The following ANKS1A variants were observed in gnomAD, a reference collection of about 807,000 sequenced individuals.
The protein encoded by ANKS1A is ankyrin repeat and SAM domain-containing protein 1A.
Under a neutral mutation model 120.3 loss-of-function variants are expected in ANKS1A, and 55 were observed. The ratio of observed to expected loss-of-function variants is 0.46; its 90% CI spans 0.37 to 0.57. The LOEUF (loss-of-function observed/expected upper bound fraction) is 0.57. Ranked by LOEUF, ANKS1A falls within the 20% of genes least tolerant of loss-of-function variation. The probability of loss-of-function intolerance (pLI) is 0.00; values close to 1 mark genes in which losing one functional copy is unlikely to be tolerated. For missense variants in ANKS1A, 1,123 were observed against 1,480.3 expected (o/e 0.76, Z 3.96); for synonymous variants, 590 against 604.7 (o/e 0.98, Z 0.36).
intron 1 of ANKS1A, among the ~76,000 whole-genome samples, chr6:34,918,880 C>G (rs1472407084): frequency 6.6e-6 from 1 of 152,146 alleles, no homozygotes; most frequent in African/African-American, 2.4e-5. Flanking sequence ...GAGACAGGGT[C>G]TCGCTCTGTC....
rs558603849 is a variant in ANKS1A at position 35,089,624 on chromosome 6, G to A, written c.*1015G>A. 2.0e-6 allele frequency: 2 copies of A among 986,880 alleles called. No individual in the cohort carries two copies. The highest frequency in any genetic ancestry group is 4.7e-5 in the South Asian group (1 of 21,328). The allele number at this position is 986,880 out of a possible 1,614,324, so 61.1% of individuals were successfully genotyped here. On this transcript the variant is annotated 3_prime_UTR_variant, in exon 24 of 24. Coordinates refer to ENST00000360359, the MANE Select transcript of ANKS1A (RefSeq NM_015245.3). Reference sequence around the variant, plus strand: ...CTGCTGGGCCCATCCCTGGCCCCCGGTGTGGAAAAGGCTAAATAAGGTGAC... The same window carrying A: ...CTGCTGGGCCCATCCCTGGCCCCCGATGTGGAAAAGGCTAAATAAGGTGAC...
intron 10 of ANKS1A, among the ~76,000 whole-genome samples, chr6:35,011,302 A>G (rs901418985): frequency 2.0e-5 from 3 of 152,232 alleles, no homozygotes; most frequent in Non-Finnish European, 2.9e-5. Context: ...ACCCACTACA[A>G]GAACTGGCAG....
intron 6 of ANKS1A, 49 bp downstream of exon 6, chr6:34,983,263 A>C: frequency 6.2e-7 from 1 of 1,612,140 alleles, no homozygotes; most frequent in South Asian, 1.1e-5. Flanking sequence ...CACGAATTGA[A>C]CCAAGGCATT....
intron 1 of ANKS1A, among the ~76,000 whole-genome samples, chr6:34,944,101 A>T (rs548774356): frequency 6.6e-6 from 1 of 152,124 alleles, no homozygotes; most frequent in Non-Finnish European, 1.5e-5. Flanking sequence ...GTGAAAACCC[A>T]GTCTCTACTA....
intron 10 of ANKS1A, among the ~76,000 whole-genome samples, chr6:34,997,442 C>T (rs1247805958): frequency 2.6e-5 from 4 of 152,050 alleles, no homozygotes; most frequent in South Asian, 2.1e-4. Flanking sequence ...GTGATCCACC[C>T]GCCTCAGCCT....
In ANKS1A at chr6:35,081,255, C is replaced by T. The variant is rs879737987; in HGVS notation, c.2709+97C>T. 1,687 of 1,420,474 alleles carry T rather than the reference C, an allele frequency of 1.2e-3. 2 individuals are homozygous for T. Among genetic ancestry groups the T allele is most frequent in the Non-Finnish European group, 1.4e-3 (1,545 of 1,076,944 alleles). The allele number at this position is 1,420,474 out of a possible 1,614,324, so 88.0% of individuals were successfully genotyped here. ...CCACCTGCTGCCCCATACTTGAGCA[C>T]AGTTGGGCTGGCACCAGAGTCAGGA... On this transcript the variant is annotated intron_variant, in intron 17 of 23. Transcript: ENST00000360359.
Position 34,967,244 on chromosome 6 carries a change from GGA to G in ANKS1A, c.207_208del (p.Gly70AlafsTer7). 1 of 1,613,108 alleles carries G rather than the reference GGA, an allele frequency of 6.2e-7. No individual in the cohort carries two copies. The highest frequency in any genetic ancestry group is 8.5e-7 in the Non-Finnish European group (1 of 1,179,712). On this transcript the variant is annotated frameshift_variant, in exon 2 of 24. Coordinates refer to ENST00000360359, the MANE Select transcript of ANKS1A (RefSeq NM_015245.3). LOFTEE classifies it high-confidence loss of function. ...CTTTTTTTTTTCCCTGATAGCATGT[GGA>G]GAGGGCCAAATGTGAACTGTGTTGA...
At position 35,084,546 on chromosome 6, in the gene ANKS1A, T is replaced by C. The variant is rs921336476; in HGVS notation, c.3132+288T>C. Among the ~76,000 whole-genome samples the C allele has an allele frequency of 2.7e-5, 4 of 150,130 alleles. No individual in the cohort carries two copies. The highest frequency in any genetic ancestry group is 9.8e-5 in the African/African-American group (4 of 40,816). On this transcript the variant is annotated intron_variant, in intron 21 of 23. Transcript: ENST00000360359. The surrounding 1 kb of genome is among the most constrained non-coding windows in gnomAD (Gnocchi z 4.8). ...TCTCACTATGTTGCCCAGGCTTGCC[T>C]TGCACTCCTGGGTTCAGGCAAGTTA...
chr6:35,068,540 G>A (rs1274592207), intron 13 of ANKS1A, among the ~76,000 whole-genome samples: 3 of 152,216 alleles, frequency 2.0e-5, no homozygotes, highest in Non-Finnish European at 2.9e-5. Context: ...CTCTTGGTTA[G>A]CGGAATCTGC....
intron 10 of ANKS1A, among the ~76,000 whole-genome samples, chr6:35,014,378 C>G (rs944893935): frequency 2.6e-5 from 4 of 152,198 alleles, no homozygotes; most frequent in Non-Finnish European, 5.9e-5. Context: ...TGTGGTTTCT[C>G]TAATAGGATT....
downstream of ANKS1A, among the ~76,000 whole-genome samples, chr6:35,093,309 G>A (rs1460041292): frequency 1.3e-5 from 2 of 152,134 alleles, no homozygotes; most frequent in East Asian, 1.9e-4. Context: ...GGAGTGCAGG[G>A]AGATTCCTGT....
At position 35,060,479 on chromosome 6, in the gene ANKS1A, C is replaced by T. The variant is rs1776441720; in HGVS notation, c.2184+226C>T. 6.6e-6 allele frequency among the ~76,000 whole-genome samples: 1 copy of T among 152,212 alleles called. No individual in the cohort carries two copies. The highest frequency in any genetic ancestry group is 2.1e-4 in the South Asian group (1 of 4,822). On this transcript the variant is annotated intron_variant, in intron 13 of 23. Transcript: ENST00000360359. This position sits in a 1 kb window ranked among gnomAD's most constrained non-coding sequence, Gnocchi z 4.5. ...CAGAAACGGCTCCAGAGGGAGCTCT[C>T]TTTGCAGATCTGCTTCCCAAGAAGG...
Position 34,889,392 on chromosome 6 carries a change from C to T in ANKS1A, c.-11C>T. 2 of 1,259,296 alleles carry T rather than the reference C, an allele frequency of 1.6e-6. No individual in the cohort carries two copies. Among genetic ancestry groups the T allele is most frequent in the Non-Finnish European group, 2.0e-6 (2 of 1,004,604 alleles). 78.0% of individuals were successfully genotyped at this position (1,259,296 alleles called of 1,614,324 possible). A position where few individuals can be genotyped will look rare whatever the true frequency, so the allele number is the denominator to read the frequency against. On this transcript the variant is annotated 5_prime_UTR_variant, in exon 1 of 24. Transcript: ENST00000360359. This position sits in a 1 kb window ranked among gnomAD's most constrained non-coding sequence, Gnocchi z 5.5. ...CTCGGGGAGGGGGTCCAGCGGGTGG[C>T]GGCCCTGGGGATGGGGAAGGAGCAG... is the stretch of plus-strand genomic sequence containing the variant.
intron 1 of ANKS1A, among the ~76,000 whole-genome samples, chr6:34,946,858 T>C (rs940779735): frequency 2.3e-4 from 35 of 152,200 alleles, no homozygotes; most frequent in African/African-American, 8.0e-4. Context: ...CAGAATAGTT[T>C]TATGAACCAA....
chr6:34,982,639 T>G lies in ANKS1A; in HGVS notation c.733-113T>G. On this transcript the variant is annotated intron_variant, in intron 4 of 23. Coordinates refer to ENST00000360359, the MANE Select transcript of ANKS1A (RefSeq NM_015245.3). The surrounding 1 kb of genome is among the most constrained non-coding windows in gnomAD (Gnocchi z 4.9). ...GCTGGAAAGATAATGACAGAGGGCTTTGTGTAGTTTGTTTTATTTTGTGTC... is the reference window on the plus strand; with the variant it reads ...GCTGGAAAGATAATGACAGAGGGCTGTGTGTAGTTTGTTTTATTTTGTGTC... The G allele has an allele frequency of 9.7e-7, 1 of 1,035,140 alleles. No individual in the cohort carries two copies. The highest frequency in any genetic ancestry group is 1.5e-6 in the Non-Finnish European group (1 of 671,428). The allele number at this position is 1,035,140 out of a possible 1,614,324, so 64.1% of individuals were successfully genotyped here.
chr6:34,889,523 G>T lies in ANKS1A; in HGVS notation c.121G>T (p.Gly41Trp). Residue 41 changes from glycine to tryptophan, a missense_variant, in exon 1 of 24, where the codon GGG becomes TGG. This residue lies in a region of ANKS1A where 73 missense variants were observed against 82.2 expected (regional missense o/e 0.89). Transcript: ENST00000360359. The surrounding 1 kb of genome is among the most constrained non-coding windows in gnomAD (Gnocchi z 5.5). ...GFGGGGGGGSGGGGGGSGGGG... is the reference protein window; with the variant it reads ...GFGGGGGGGSWGGGGGSGGGG... ...TGGGGGCGGCGGCGGCGGTGGCTCT[G>T]GGGGCGGCGGCGGCGGCAGCGGCGG... 7.9e-7 allele frequency: 1 copy of T among 1,273,132 alleles called. No individual in the cohort carries two copies. Among genetic ancestry groups the T allele is most frequent in the South Asian group, 3.5e-5 (1 of 28,614 alleles). 78.9% of individuals were successfully genotyped at this position (1,273,132 alleles called of 1,614,324 possible). A position where few individuals can be genotyped will look rare whatever the true frequency, so the allele number is the denominator to read the frequency against.
rs1196507795 is a variant in ANKS1A at position 35,017,531 on chromosome 6, G to A, written c.1482G>A (p.Gln494=). 1.2e-6 allele frequency: 2 copies of A among 1,613,994 alleles called. No individual in the cohort carries two copies. The highest frequency in any genetic ancestry group is 3.3e-5 in the Admixed American group (2 of 60,022). The change falls in exon 11 of 24, where the codon CAG becomes CAA. Residue 494 remains glutamine (Q), a synonymous_variant. Coordinates refer to ENST00000360359, the MANE Select transcript of ANKS1A (RefSeq NM_015245.3). The part of the protein sequence containing the change: ...SQDSAEGQDG[Q]VPEQFSGLLH... ...ACTCTGCGGAGGGGCAGGACGGGCA[G>A]GTCCCAGAGCAGTTCTCAGGCCTCC...
chr6:34,944,185 G>A (rs1378248812), intron 1 of ANKS1A, among the ~76,000 whole-genome samples: 1 of 152,154 alleles, frequency 6.6e-6, no homozygotes, highest in Admixed American at 6.5e-5. Context: ...GGCCGAGGCA[G>A]GAGAATGGCG....
At chr6:34,911,872 A>G (rs999357302) in intron 1 of ANKS1A, among the ~76,000 whole-genome samples, 3 of 152,296 alleles carry the variant, frequency 2.0e-5, no homozygotes, top group South Asian at 4.2e-4. Context: ...GTCATATATA[A>G]TAAAACTACA....
Sources: allele counts gnomAD v4.1 joint callset (sites outside exome capture counted in the v4.1 genomes callset), GRCh38; gene constraint gnomAD v4.1.1; regional missense constraint gnomAD v4.1.1; non-coding constraint Gnocchi (gnomAD v3.1); transcripts MANE v1.5; gene names NCBI Gene and HGNC (gene_info 2026-07-23, HGNC 2026-07-21).